Variants in TATDN1 observed in about 807,000 individuals in gnomAD.
TATDN1 encodes the protein deoxyribonuclease TATDN1.
Under a neutral mutation model 46.4 loss-of-function variants are expected in TATDN1, and 40 were observed. The observed-to-expected ratio is 0.86, with a 90% confidence interval of 0.67 to 1.12. The LOEUF is 1.12. Ranked by LOEUF, TATDN1 falls within the 50% of genes most tolerant of loss-of-function variation. TATDN1 has a pLI of 0.00. For missense variants in TATDN1, 326 were observed against 348.4 expected, an observed-to-expected ratio of 0.94 and a Z score of 0.51; for synonymous variants, 95 against 105.6, an observed-to-expected ratio of 0.90 and a Z score of 0.62.
chr8:124,534,946 C>A (rs538656135), intron 1 of TATDN1, among the ~76,000 whole-genome samples: 1 of 152,188 alleles, frequency 6.6e-6, no homozygotes, highest in African/African-American at 2.4e-5. Context: ...CATTCAAAAA[C>A]GGCCAGGTGG....
intron 1 of TATDN1, chr8:124,523,598 AAAT>A (rs1820240102): frequency 6.6e-6 from 1 of 152,264 alleles, no homozygotes; most frequent in African/African-American, 2.4e-5. Flanking sequence ...CAACAATAAA[AAAT>A]AATATAAATA....
intron 8 of TATDN1, among the ~76,000 whole-genome samples, chr8:124,506,645 C>T (rs966997881): frequency 6.6e-6 from 1 of 152,146 alleles, no homozygotes; most frequent in Non-Finnish European, 1.5e-5. Context: ...TTAGAGAATA[C>T]GCATAAAACT....
In TATDN1 at chr8:124,522,927, A is replaced by T. The variant is rs1820176738; in HGVS notation, c.88+10T>A. On this transcript the variant is annotated intron_variant, in intron 2 of 11. Coordinates refer to ENST00000276692, the MANE Select transcript of TATDN1 (RefSeq NM_032026.4). ...AGGAAACTATTCGCCTTAATAAAGG[A>T]AATATTTACCTTGATGCTTTTGAAC... The T allele has an allele frequency of 1.9e-6, 3 of 1,610,564 alleles. No individual in the cohort carries two copies. Among genetic ancestry groups the T allele is most frequent in the Non-Finnish European group, 2.5e-6 (3 of 1,177,260 alleles).
At chr8:124,500,826 G>A (rs1817902402) in intron 9 of TATDN1, among the ~76,000 whole-genome samples, 1 of 151,520 alleles carries the variant, frequency 6.6e-6, no homozygotes, top group Non-Finnish European at 1.5e-5. Context: ...GGAGACATAT[G>A]TTACCCCAAA....
chr8:124,519,030 T>G, intron 3 of TATDN1, 149 bp from the exon 4 acceptor site: 1 of 615,440 alleles, frequency 1.6e-6, no homozygotes, highest in South Asian at 2.0e-5. Context: ...GCTGGGAGAT[T>G]ACCTCCTATG....
At chr8:124,525,266 C>T (rs1176130020) in intron 1 of TATDN1, among the ~76,000 whole-genome samples, 1 of 152,152 alleles carries the variant, frequency 6.6e-6, no homozygotes, top group Non-Finnish European at 1.5e-5. Context: ...CTGTCTCAGC[C>T]TCCCAAGTAG....
chr8:124,497,033 C>T (rs1263903061), intron 9 of TATDN1, among the ~76,000 whole-genome samples: 1 of 152,094 alleles, frequency 6.6e-6, no homozygotes, highest in Admixed American at 6.5e-5. Flanking sequence ...TTCAAATTTC[C>T]AGTTGTCTCA....
At position 124,538,990 on chromosome 8, in the gene TATDN1, G is replaced by A. The variant is rs1160802299; in HGVS notation, c.22+35C>T. The A allele has an allele frequency of 1.9e-6, 3 of 1,613,162 alleles. No individual in the cohort carries two copies. In the Admixed American group the frequency reaches 5.0e-5, roughly 27 times the overall value. ...GGTGACCGACGCCCGGGACAAGTCAGAAAGACCCAAGGGCGTGGAAAACGC... is the reference window on the plus strand; with the variant it reads ...GGTGACCGACGCCCGGGACAAGTCAAAAAGACCCAAGGGCGTGGAAAACGC... On this transcript the variant is annotated intron_variant, in intron 1 of 11. Transcript: ENST00000276692.
intron 6 of TATDN1, among the ~76,000 whole-genome samples, chr8:124,514,802 G>A (rs753651502): frequency 3.3e-5 from 5 of 152,198 alleles, no homozygotes; most frequent in East Asian, 1.9e-4. Flanking sequence ...CTGCAGGGTC[G>A]TGAGCTTTGG....
chr8:124,528,430 C>T (rs2131550835), intron 1 of TATDN1, among the ~76,000 whole-genome samples: 1 of 152,322 alleles, frequency 6.6e-6, no homozygotes, highest in Admixed American at 6.5e-5. Flanking sequence ...GCCTCGGCCT[C>T]CCAGAGTGCT....
intron 3 of TATDN1, 129 bp downstream of exon 3, chr8:124,522,022 T>C (rs1197821972): frequency 3.4e-6 from 2 of 586,216 alleles, no homozygotes; most frequent in South Asian, 2.4e-5. Context: ...AACTTTCTAA[T>C]ATCACAAGTA....
intron 6 of TATDN1, among the ~76,000 whole-genome samples, chr8:124,509,630 C>G (rs1563663514): frequency 6.6e-6 from 1 of 152,164 alleles, no homozygotes; most frequent in Non-Finnish European, 1.5e-5. Context: ...TAACTTAAGC[C>G]TCTCTTGCTA....
chr8:124,499,669 G>A (rs1301863629), intron 9 of TATDN1, among the ~76,000 whole-genome samples: 1 of 151,584 alleles, frequency 6.6e-6, no homozygotes, highest in Admixed American at 6.6e-5. Context: ...TCAGCCTCCC[G>A]AGTAGCTGGG....
chr8:124,497,690 G>A (rs897338739), intron 9 of TATDN1, among the ~76,000 whole-genome samples: 4 of 152,136 alleles, frequency 2.6e-5, no homozygotes, highest in Admixed American at 6.5e-5. Context: ...GTGGTGGTGT[G>A]ATCTTTCATC....
chr8:124,531,672 C>T (rs1820970226), intron 1 of TATDN1, among the ~76,000 whole-genome samples: 2 of 152,080 alleles, frequency 1.3e-5, no homozygotes, highest in South Asian at 4.1e-4. Flanking sequence ...ATGGTGGTAA[C>T]TAAATGAAAT....
intron 2 of TATDN1, among the ~76,000 whole-genome samples, 183 bp downstream of exon 2, chr8:124,522,754 T>C (rs1247690801): frequency 6.6e-6 from 1 of 151,682 alleles, no homozygotes; most frequent in East Asian, 1.9e-4. Flanking sequence ...AAGAGCGGAT[T>C]ATGTTGCCCA....
rs559857592 is a variant in TATDN1 at position 124,524,896 on chromosome 8, A to G, written c.23-1894T>C. ...GAGTGTCAGGATATTCTGCTTGAGG[A>G]TTTGAGATCTGGGATGGGGGAAATG... On this transcript the variant is annotated intron_variant, in intron 1 of 11. Coordinates refer to ENST00000276692, the MANE Select transcript of TATDN1 (RefSeq NM_032026.4). Among the ~76,000 whole-genome samples, 5 of 152,096 alleles carry G rather than the reference A, an allele frequency of 3.3e-5. No homozygotes were observed. The South Asian group carries it at 1.0e-3, about 32-fold the overall frequency.
intron 9 of TATDN1, among the ~76,000 whole-genome samples, chr8:124,503,365 G>C (rs73704283): frequency 6.6e-6 from 1 of 151,964 alleles, no homozygotes; most frequent in Admixed American, 6.6e-5. Context: ...TCATGCTGGG[G>C]GGACTCTGAT....
In TATDN1 at chr8:124,530,582, T is replaced by C. The variant is rs115710262; in HGVS notation, c.23-7580A>G. Among the ~76,000 whole-genome samples the C allele has an allele frequency of 4.3e-3, 656 of 152,278 alleles. 5 individuals carry two copies. The highest frequency in any genetic ancestry group is 0.015 in the African/African-American group (636 of 41,552). ...ATCCCATACAAATCCAAGGGGATTA[T>C]CTGACAAACTTAAGGGACTGTCCTT... is the stretch of plus-strand genomic sequence containing the variant. On this transcript the variant is annotated intron_variant, in intron 1 of 11. Coordinates refer to ENST00000276692, the MANE Select transcript of TATDN1 (RefSeq NM_032026.4).
Sources: gnomAD v4.1 joint callset for allele counts (sites outside exome capture counted in the v4.1 genomes callset) on GRCh38, gnomAD v4.1.1 for gene constraint, MANE v1.5 for transcripts, NCBI Gene and HGNC (gene_info 2026-07-23, HGNC 2026-07-21) for gene names.